The following ACAP2 variants were observed in gnomAD, a reference collection of about 807,000 sequenced individuals.
ACAP2 encodes ArfGAP with coiled-coil, ankyrin repeat and PH domains 2.
In ACAP2, 39 loss-of-function variants were observed where a neutral mutation model predicts 115.8. The ratio of observed to expected loss-of-function variants is 0.34; its 90% CI spans 0.26 to 0.44. The LOEUF is 0.44. ACAP2 is among the 20% of genes least tolerant of loss of function. The probability of loss-of-function intolerance (pLI) is 1.00; values close to 1 mark genes in which losing one functional copy is unlikely to be tolerated. For synonymous variants in ACAP2, 289 were observed against 315.8 expected (o/e 0.92, Z 0.90); for missense variants, 662 against 927.6 (o/e 0.71, Z 3.72).
intron 11 of ACAP2, among the ~76,000 whole-genome samples, chr3:195,307,774 T>C (rs1268548151): frequency 6.6e-6 from 1 of 152,188 alleles, no homozygotes; most frequent in Non-Finnish European, 1.5e-5. Flanking sequence ...ATTTTATCAC[T>C]TTCTACTGTT....
chr3:195,424,902 T>G (rs1577463022), intron 1 of ACAP2, among the ~76,000 whole-genome samples: 1 of 108,440 alleles, frequency 9.2e-6, no homozygotes, highest in African/African-American at 3.7e-5. Context: ...AGTGATAGAG[T>G]GAGACCCTGT....
At chr3:195,311,297 ATG>A (rs1728753474) in intron 10 of ACAP2, among the ~76,000 whole-genome samples, 1 of 152,010 alleles carries the variant, frequency 6.6e-6, no homozygotes, top group Non-Finnish European at 1.5e-5. Context: ...AGGTTTTACC[ATG>A]TTGGCCAGGC....
At chr3:195,292,210 T>C (rs1727301532) in intron 19 of ACAP2, 55 bp downstream of exon 19, 1 of 1,501,232 alleles carries the variant, frequency 6.7e-7, no homozygotes, top group Non-Finnish European at 8.9e-7. Context: ...GAACATATTA[T>C]GATTTTTTTT....
At chr3:195,360,209 AG>A (rs548581079) in intron 4 of ACAP2, among the ~76,000 whole-genome samples, 9 of 152,238 alleles carry the variant, frequency 5.9e-5, no homozygotes, top group Non-Finnish European at 1.2e-4. Flanking sequence ...GGAAACCAAA[AG>A]GAACAGAAAC....
intron 15 of ACAP2, among the ~76,000 whole-genome samples, chr3:195,301,007 C>A (rs924194223): frequency 6.6e-6 from 1 of 152,144 alleles, no homozygotes; most frequent in African/African-American, 2.4e-5. Context: ...GGAGCGAAGA[C>A]CTTGTCTCAA....
rs532356594 is a variant in ACAP2 at position 195,348,867 on chromosome 3, T to C, written c.286-3550A>G. On this transcript the variant is annotated intron_variant, in intron 4 of 22. Transcript: ENST00000326793. ...AATCTGTATCTAACATCCTGGCTAG[T>C]GGCAAAAGGCTACTTTCACCCTCAG... Among the ~76,000 whole-genome samples the C allele has an allele frequency of 3.8e-4, 58 of 152,300 alleles. No homozygotes were observed. In the Middle Eastern group the frequency reaches 0.017, roughly 45 times the overall value.
intron 10 of ACAP2, among the ~76,000 whole-genome samples, chr3:195,310,958 C>T (rs777981333): frequency 6.6e-6 from 1 of 151,940 alleles, no homozygotes; most frequent in Non-Finnish European, 1.5e-5. Flanking sequence ...TATCACTCCT[C>T]CATTGCTATT....
At chr3:195,424,244 G>GGTGT (rs58166272) in intron 1 of ACAP2, among the ~76,000 whole-genome samples, 4 of 69,632 alleles carry the variant, frequency 5.7e-5, no homozygotes, top group African/African-American at 1.2e-4. Context: ...GTGTGTGTGT[G>GGTGT]GTGTGTGTGT....
At chr3:195,416,298 A>G (rs2108821945) in intron 1 of ACAP2, among the ~76,000 whole-genome samples, 1 of 151,758 alleles carries the variant, frequency 6.6e-6, no homozygotes, top group East Asian at 1.9e-4. Flanking sequence ...GTGAGCCAAG[A>G]CTGCGCTATT....
intron 7 of ACAP2, among the ~76,000 whole-genome samples, chr3:195,333,362 C>A (rs957438979): frequency 2.0e-5 from 3 of 152,102 alleles, no homozygotes; most frequent in African/African-American, 7.2e-5. Context: ...CCACTATGCT[C>A]AGCTAATTTT....
intron 2 of ACAP2, among the ~76,000 whole-genome samples, chr3:195,391,142 T>C (rs924072509): frequency 1.3e-5 from 2 of 152,102 alleles, no homozygotes; most frequent in South Asian, 4.1e-4. Context: ...ATTTATACAA[T>C]GGTCAGGTTA....
intron 1 of ACAP2, among the ~76,000 whole-genome samples, chr3:195,412,673 G>T (rs1713378853): frequency 1.3e-5 from 2 of 152,074 alleles, no homozygotes; most frequent in Admixed American, 1.3e-4. Flanking sequence ...TAGTAATAAG[G>T]AGAGATTTTA....
chr3:195,372,625 C>A (rs1463394237), intron 4 of ACAP2, among the ~76,000 whole-genome samples: 1 of 151,986 alleles, frequency 6.6e-6, no homozygotes, highest in Non-Finnish European at 1.5e-5. Flanking sequence ...AGTTCAAGAC[C>A]AGCCTGGGCA....
At position 195,329,681 on chromosome 3, in the gene ACAP2, A is replaced by G. The variant is rs527701219; in HGVS notation, c.670-2722T>C. Among the ~76,000 whole-genome samples the G allele has an allele frequency of 1.5e-4, 23 of 152,274 alleles. No homozygotes were observed. In the East Asian group the frequency reaches 3.3e-3, roughly 22 times the overall value. On this transcript the variant is annotated intron_variant, in intron 8 of 22. Transcript: ENST00000326793. The stretch of plus-strand genomic sequence containing the variant: ...GGGTCCCCAGCTCCATGGAAACAGC[A>G]TCTCTCACAGAGGTAACAACTTTTT...
intron 1 of ACAP2, among the ~76,000 whole-genome samples, chr3:195,417,353 TTC>T (rs1413143708): frequency 6.6e-6 from 1 of 152,096 alleles, no homozygotes; most frequent in Non-Finnish European, 1.5e-5. Flanking sequence ...AAATCTGTTG[TTC>T]TCTCTGTGAG....
chr3:195,289,843 C>T (rs1727125333), intron 20 of ACAP2, among the ~76,000 whole-genome samples: 1 of 149,116 alleles, frequency 6.7e-6, no homozygotes, highest in African/African-American at 2.5e-5. Context: ...AACATGTGCA[C>T]AGGTATCTAT....
At chr3:195,408,158 G>A (rs543621103) in intron 1 of ACAP2, among the ~76,000 whole-genome samples, 93 of 152,288 alleles carry the variant, frequency 6.1e-4, no homozygotes, top group African/African-American at 2.2e-3. Flanking sequence ...GATTGAATCT[G>A]TCATCGAAAA....
chr3:195,306,394 C>A (rs1490921796), intron 13 of ACAP2, 117 bp downstream of exon 13: 3 of 538,236 alleles, frequency 5.6e-6, no homozygotes, highest in Non-Finnish European at 9.6e-6. Context: ...AAATAAAACT[C>A]AATTACATAA....
At chr3:195,386,801 T>TAA (rs541279896) in intron 2 of ACAP2, among the ~76,000 whole-genome samples, 1 of 141,354 alleles carries the variant, frequency 7.1e-6, no homozygotes. Context: ...AAGTAAAATT[T>TAA]AAAAAAAAAA....
Sources: gnomAD v4.1 joint callset for allele counts (sites outside exome capture counted in the v4.1 genomes callset) on GRCh38, gnomAD v4.1.1 for gene constraint, MANE v1.5 for transcripts, NCBI Gene and HGNC (gene_info 2026-07-23, HGNC 2026-07-21) for gene names.